The following PDC variants were observed in gnomAD, a reference collection of about 807,000 sequenced individuals.
The protein encoded by PDC is phosducin.
In PDC, 19 loss-of-function variants were observed where a neutral mutation model predicts 22.2. That is an observed-to-expected ratio of 0.86 (90% confidence interval 0.60 to 1.26). PDC has a LOEUF of 1.26. PDC is among the 50% of genes most tolerant of loss of function. The probability of loss-of-function intolerance (pLI) is 0.00; values close to 1 mark genes in which losing one functional copy is unlikely to be tolerated. For synonymous variants in PDC, 97 were observed against 96.2 expected (o/e 1.01, Z -0.05); for missense variants, 274 against 286.8 (o/e 0.96, Z 0.32).
intron 1 of PDC, among the ~76,000 whole-genome samples, chr1:186,459,741 T>A (rs1662540745): frequency 1.2e-5 from 1 of 80,890 alleles, no homozygotes; most frequent in African/African-American, 6.2e-5. Context: ...ATGGACAATA[T>A]GTGTGTGTGT....
At chr1:186,451,184 C>A (rs565389527) in intron 1 of PDC, 2 of 152,282 alleles carry the variant, frequency 1.3e-5, no homozygotes, top group Admixed American at 6.5e-5. Flanking sequence ...TCCAGAATCA[C>A]TGGAGGTCAA....
At chr1:186,444,598 GCT>G (rs1662183013) in intron 3 of PDC, 92 bp from the exon 4 acceptor site, 1 of 828,244 alleles carries the variant, frequency 1.2e-6, no homozygotes, top group Non-Finnish European at 1.8e-6. Flanking sequence ...GTGTACTTTT[GCT>G]CTTTTTTTTC....
intron 1 of PDC, chr1:186,451,314 A>T (rs1662350459): frequency 6.6e-6 from 1 of 152,224 alleles, no homozygotes; most frequent in African/African-American, 2.4e-5. Flanking sequence ...ATTTGAATGG[A>T]TTTAGTAATT....
At chr1:186,453,403 T>A (rs1057370992) in intron 1 of PDC, among the ~76,000 whole-genome samples, 1 of 152,196 alleles carries the variant, frequency 6.6e-6, no homozygotes, top group Non-Finnish European at 1.5e-5. Context: ...TTATCATTGG[T>A]CACATGACAA....
At chr1:186,458,233 T>C (rs930146950) in intron 1 of PDC, among the ~76,000 whole-genome samples, 4 of 144,962 alleles carry the variant, frequency 2.8e-5, no homozygotes, top group African/African-American at 5.1e-5. Flanking sequence ...ATTCTTTTTT[T>C]TTTTTTTTTT....
Position 186,444,105 on chromosome 1 carries a change from A to G in PDC, c.615T>C (p.Ala205=). The change falls in exon 4 of 4, where the codon GCT becomes GCC. Residue 205 remains alanine (A), a synonymous_variant. Transcript: ENST00000391997. ...CAAAAAATTCTTCAGCAAACTGTTC[A>G]GCAACACTAATAAAATTGCTTATGA... ...GELISNFISV[A]EQFAEEFFAG... The G allele has an allele frequency of 6.2e-7, 1 of 1,614,084 alleles. No homozygotes were observed. The highest frequency in any genetic ancestry group is 1.3e-5 in the African/African-American group (1 of 75,060).
chr1:186,457,249 T>C (rs1270053785), intron 1 of PDC, among the ~76,000 whole-genome samples: 1 of 152,206 alleles, frequency 6.6e-6, no homozygotes, highest in Non-Finnish European at 1.5e-5. Context: ...AGTTGTGCCT[T>C]TCCTTTCTTG....
intron 1 of PDC, among the ~76,000 whole-genome samples, chr1:186,459,649 G>C (rs1281118489): frequency 6.7e-6 from 1 of 149,812 alleles, no homozygotes; most frequent in African/African-American, 2.4e-5. Flanking sequence ...ATAGTATTTG[G>C]GCAGAAATTG....
At chr1:186,448,440 A>G (rs1662281448) in intron 2 of PDC, among the ~76,000 whole-genome samples, 1 of 152,116 alleles carries the variant, frequency 6.6e-6, no homozygotes, top group Non-Finnish European at 1.5e-5. Flanking sequence ...AATATATATT[A>G]GGAAACTGAC....
chr1:186,447,855 T>TA (rs34720442), intron 2 of PDC, among the ~76,000 whole-genome samples: 19,486 of 152,136 alleles, frequency 0.13, 1,575 homozygotes, highest in East Asian at 0.38. Context: ...TATGTTTGTT[T>TA]AAAAAAGAGA....
intron 1 of PDC, among the ~76,000 whole-genome samples, chr1:186,450,437 C>T (rs1223424641): frequency 6.6e-6 from 1 of 152,000 alleles, no homozygotes; most frequent in African/African-American, 2.4e-5. Context: ...CTTCTGGGCT[C>T]AAGTGACCTT....
Position 186,446,428 on chromosome 1 carries a change from T to G in PDC, c.211A>C (p.Lys71Gln). The change falls in exon 3 of 4, where the codon AAG (lysine) becomes CAG (glutamine). Residue 71 changes from lysine (K) to glutamine (Q), a missense_variant and splice_region_variant. Transcript: ENST00000391997. ...TACTGCTTTTTGTATTATCTTACCTTTCTGCTGACTCGTTCCTTTGAATCT... is the reference window on the plus strand; with the variant it reads ...TACTGCTTTTTGTATTATCTTACCTGTCTGCTGACTCGTTCCTTTGAATCT... ...GKDSKERVSR[K>Q]MSIQEYELIH... is the part of the protein sequence containing the mutation. The G allele has an allele frequency of 5.0e-6, 8 of 1,592,128 alleles. No individual in the cohort carries two copies. The highest frequency in any genetic ancestry group is 6.9e-6 in the Non-Finnish European group (8 of 1,167,256).
intron 3 of PDC, among the ~76,000 whole-genome samples, chr1:186,445,124 C>T (rs1362347135): frequency 6.6e-6 from 1 of 152,082 alleles, no homozygotes; most frequent in Non-Finnish European, 1.5e-5. Flanking sequence ...TCCATAATAG[C>T]TACTCCATTA....
At chr1:186,444,943 G>A (rs57020506) in intron 3 of PDC, among the ~76,000 whole-genome samples, 6,449 of 152,146 alleles carry the variant, frequency 0.042, 455 homozygotes, top group African/African-American at 0.15. Flanking sequence ...ACCACCCTAG[G>A]TTTACTGAAT....
At chr1:186,452,129 T>C in intron 1 of PDC, among the ~76,000 whole-genome samples, 1 of 152,196 alleles carries the variant, frequency 6.6e-6, no homozygotes, top group Admixed American at 6.5e-5. Flanking sequence ...ATTAATAGAT[T>C]TCATCTACCT....
chr1:186,459,440 C>A (rs895349544), intron 1 of PDC, among the ~76,000 whole-genome samples: 1 of 152,140 alleles, frequency 6.6e-6, no homozygotes, highest in African/African-American at 2.4e-5. Context: ...GGATTGCAGA[C>A]ATACAGATAT....
rs1308146721 is a variant in PDC at position 186,444,270 on chromosome 1, A to G, written c.450T>C (p.Ala150=). The change falls in exon 4 of 4, where the codon GCT becomes GCC. Residue 150 remains alanine, a synonymous_variant. Transcript: ENST00000391997. Reference sequence around the variant, plus strand: ...CAAGGCATGTTAAACTACTGTTTAGAGCATCACAACCCTTAATACCATCTT... The same window carrying G: ...CAAGGCATGTTAAACTACTGTTTAGGGCATCACAACCCTTAATACCATCTT... ...IYEDGIKGCD[A]LNSSLTCLAA... is the part of the protein sequence containing the mutation. 3 of 1,613,904 alleles carry G rather than the reference A, an allele frequency of 1.9e-6. No homozygotes were observed. Among genetic ancestry groups the G allele is most frequent in the South Asian group, 2.2e-5 (2 of 91,090 alleles).
At chr1:186,454,455 G>A (rs34750349) in intron 1 of PDC, among the ~76,000 whole-genome samples, 19,464 of 141,408 alleles carry the variant, frequency 0.14, 1,574 homozygotes, top group East Asian at 0.38. Context: ...GATTACAGTC[G>A]TGAGCCACCG....
chr1:186,454,027 G>A (rs1232345650), intron 1 of PDC, among the ~76,000 whole-genome samples: 1 of 152,062 alleles, frequency 6.6e-6, no homozygotes, highest in African/African-American at 2.4e-5. Flanking sequence ...CCAAGATGAG[G>A]AAATGGAAAG....
Sources: allele counts gnomAD v4.1 joint callset (sites outside exome capture counted in the v4.1 genomes callset), GRCh38; gene constraint gnomAD v4.1.1; transcripts MANE v1.5; gene names NCBI Gene and HGNC (gene_info 2026-07-23, HGNC 2026-07-21).